The following RGS3 variants were observed in gnomAD, a reference collection of about 807,000 sequenced individuals.
RGS3 encodes the protein regulator of G protein signaling 3, also known as regulator of G-protein signalling 3.
RGS3 carries 80 observed loss-of-function variants against 132.6 expected under a neutral mutation model. The ratio of observed to expected loss-of-function variants is 0.60; its 90% CI spans 0.50 to 0.73. The LOEUF is 0.73. Ranked by LOEUF, RGS3 falls within the 30% of genes least tolerant of loss-of-function variation. RGS3 has a pLI of 0.00. For missense variants in RGS3, 1,382 were observed against 1,530.8 expected (o/e 0.90, Z 1.62); for synonymous variants, 598 against 620.6 (o/e 0.96, Z 0.54).
chr9:113,462,229 CT>C (rs1829492230), intron 3 of RGS3: 1 of 1,372,956 alleles, frequency 7.3e-7, no homozygotes, highest in Middle Eastern at 2.1e-4. Flanking sequence ...TGGCTTGAGG[CT>C]AGGAGAGTGG....
rs775473018 is a variant in RGS3, at chr9:113,587,161, G to A, written c.3015+2734G>A. Among the ~76,000 whole-genome samples, 8 of 151,426 alleles carry A rather than the reference G, an allele frequency of 5.3e-5. No homozygotes were observed. The East Asian group carries it at 1.4e-3, about 26-fold the overall frequency. ...GCAAGTGATGATGGCACTGGACAAG[G>A]CCTCACCATTGTCTAGTCAGTCCTC... On this transcript the variant is annotated intron_variant, in intron 20 of 24. Transcript: ENST00000350696.
At chr9:113,521,200 GT>G (rs1422697984) in intron 16 of RGS3, among the ~76,000 whole-genome samples, 3 of 152,186 alleles carry the variant, frequency 2.0e-5, no homozygotes, top group African/African-American at 7.2e-5. Context: ...GAGTCCTCAT[GT>G]TTGGGCCCCA....
At chr9:113,447,220 C>A (rs1235670234) in intron 1 of RGS3, among the ~76,000 whole-genome samples, 7 of 142,036 alleles carry the variant, frequency 4.9e-5, no homozygotes, top group African/African-American at 1.8e-4. Flanking sequence ...CAAGATTGCA[C>A]CACTGCACTC....
In RGS3 at chr9:113,472,168, G is replaced by A. The variant is rs181618597; in HGVS notation, c.416-7323G>A. Among the ~76,000 whole-genome samples, 72 of 152,278 alleles carry A rather than the reference G, an allele frequency of 4.7e-4. 1 individual carries two copies. The highest frequency in any genetic ancestry group is 4.1e-3 in the Admixed American group (63 of 15,302). On this transcript the variant is annotated intron_variant, in intron 3 of 24. Transcript: ENST00000350696. ...TTGGAACCCTTGTACACTGCCGGCC[G>A]GAATGTCAAATGGTGCAACCACTTT...
chr9:113,520,733 C>G (rs777247891), intron 16 of RGS3, among the ~76,000 whole-genome samples: 1 of 151,960 alleles, frequency 6.6e-6, no homozygotes, highest in East Asian at 1.9e-4. Context: ...TTCCATTGCT[C>G]GGACTTTGAA....
chr9:113,574,264 A>T (rs974380465), intron 19 of RGS3, among the ~76,000 whole-genome samples: 1 of 152,196 alleles, frequency 6.6e-6, no homozygotes, highest in African/African-American at 2.4e-5. Context: ...CTCCTGCCTC[A>T]TCCAACCACC....
At chr9:113,517,147 T>C in intron 15 of RGS3, 2 of 448,706 alleles carry the variant, frequency 4.5e-6, no homozygotes, top group Admixed American at 2.4e-5. Flanking sequence ...GCTCTCAGGA[T>C]GCCTCTTGGT....
At chr9:113,590,272 C>T (rs929439848) in intron 20 of RGS3, among the ~76,000 whole-genome samples, 1 of 152,118 alleles carries the variant, frequency 6.6e-6, no homozygotes, top group Admixed American at 6.6e-5. Context: ...TATGCCCCAT[C>T]CAGGGTCTGG....
At chr9:113,460,420 C>CTGAGGCAGGAGAATGGCG (rs964160379) in intron 1 of RGS3, 1 of 191,104 alleles carries the variant, frequency 5.2e-6, no homozygotes, top group African/African-American at 2.4e-5. Flanking sequence ...TCGGGGGGTG[C>CTGAGGCAGGAGAATGGCG]TGAGGCAGGA....
chr9:113,485,750 C>T (rs1400254633), intron 7 of RGS3, 57 bp downstream of exon 5: 4 of 1,330,782 alleles, frequency 3.0e-6, no homozygotes, highest in Non-Finnish European at 4.2e-6. Context: ...GGGTGACAGC[C>T]AGGTGGCCAG....
intron 20 of RGS3, among the ~76,000 whole-genome samples, chr9:113,586,917 G>A (rs1294053532): frequency 1.3e-5 from 2 of 152,178 alleles, no homozygotes; most frequent in Non-Finnish European, 2.9e-5. Context: ...AGTACCTGGC[G>A]CTCAGCACCT....
chr9:113,451,093 G>C (rs1829231690), intron 1 of RGS3, among the ~76,000 whole-genome samples: 1 of 151,518 alleles, frequency 6.6e-6, no homozygotes, highest in African/African-American at 2.4e-5. Context: ...CAGAAGAATT[G>C]CTTGAACCTG....
At chr9:113,447,323 G>GTGTATATATATATATATATATATATA (rs1829126189) in intron 1 of RGS3, among the ~76,000 whole-genome samples, 29 of 29,398 alleles carry the variant, frequency 9.9e-4, no homozygotes, top group Admixed American at 1.9e-3. Context: ...TCTGATGTAT[G>GTGTATATATATATATATATATATATA]TATATGTATA....
chr9:113,481,987 A>G (rs1315288689), intron 4 of RGS3, among the ~76,000 whole-genome samples: 1 of 151,624 alleles, frequency 6.6e-6, no homozygotes, highest in Admixed American at 6.6e-5. Flanking sequence ...TGGAGGTTGC[A>G]GTGAGCCGAG....
intron 7 of RGS3, among the ~76,000 whole-genome samples, chr9:113,486,298 A>C (rs1020129287): frequency 4.6e-5 from 7 of 152,256 alleles, no homozygotes; most frequent in African/African-American, 1.7e-4. Flanking sequence ...CTAAAGAAGA[A>C]GGTTGGAAAT....
chr9:113,485,702 A>G lies in RGS3; in HGVS notation c.689+9A>G. The stretch of plus-strand genomic sequence containing the variant: ...AGGGCCAGCCAGTCCAGGTGAGGAG[A>G]GCTGCTGAGCTGGAGGGGGACTCTG... On this transcript the variant is annotated intron_variant, in intron 7 of 24. Coordinates refer to ENST00000350696, the Ensembl canonical transcript of RGS3. 1 of 1,577,084 alleles carries G rather than the reference A, an allele frequency of 6.3e-7. No individual in the cohort carries two copies. Among genetic ancestry groups the G allele is most frequent in the African/African-American group, 1.3e-5 (1 of 74,608 alleles).
chr9:113,452,416 GT>G (rs371128451), intron 1 of RGS3, among the ~76,000 whole-genome samples: 2,374 of 139,816 alleles, frequency 0.017, 60 homozygotes, highest in African/African-American at 0.056. Context: ...GTAATGTGTA[GT>G]TTTTTTTTTT....
chr9:113,595,789 C>T (rs575681786), intron 24 of RGS3, 24 bp downstream of exon 22: 116 of 1,607,478 alleles, frequency 7.2e-5, no homozygotes, highest in South Asian at 1.4e-4. Context: ...GCAGACCCTC[C>T]GCTCCTCCAA....
intron 17 of RGS3, among the ~76,000 whole-genome samples, chr9:113,526,187 AATGTTTTGCTG>A (rs1832197582): frequency 6.6e-6 from 1 of 152,162 alleles, no homozygotes; most frequent in African/African-American, 2.4e-5. Flanking sequence ...GTGGCCTGGA[AATGTTTTGCTG>A]ATTATTAGGC....
Sources: allele counts gnomAD v4.1 joint callset (sites outside exome capture counted in the v4.1 genomes callset), GRCh38; gene constraint gnomAD v4.1.1; transcripts MANE v1.5; gene names NCBI Gene and HGNC (gene_info 2026-07-23, HGNC 2026-07-21).